Variants in SLC44A3 observed in about 807,000 individuals in gnomAD.
The protein encoded by SLC44A3 is choline transporter-like protein 3.
Under a neutral mutation model 75.4 loss-of-function variants are expected in SLC44A3, and 74 were observed. The ratio of observed to expected loss-of-function variants is 0.98; its 90% CI spans 0.81 to 1.19. The LOEUF (loss-of-function observed/expected upper bound fraction) is 1.19, where lower values mean the gene tolerates loss of function less well. Among genes scored for constraint, SLC44A3 ranks in the 50% most tolerant of loss-of-function variants. The pLI is 0.00. For synonymous variants in SLC44A3, 310 were observed against 296.9 expected (o/e 1.04, Z -0.45); for missense variants, 700 against 778.6 (o/e 0.90, Z 1.20).
chr1:94,868,550 A>G (rs6665783), intron 12 of SLC44A3, among the ~76,000 whole-genome samples: 53,275 of 151,860 alleles, frequency 0.35, 9,493 homozygotes, highest in Admixed American at 0.46. Flanking sequence ...AATGGGGGGG[A>G]ACATATAACA....
Position 94,864,877 on chromosome 1 carries a change from T to C in SLC44A3, c.1373T>C (p.Met458Thr), listed in dbSNP as rs773137920. 3 of 1,613,938 alleles carry C rather than the reference T, an allele frequency of 1.9e-6. No homozygotes were observed. Among genetic ancestry groups the C allele is most frequent in the South Asian group, 1.1e-5 (1 of 91,052 alleles). Residue 458 changes from methionine (M) to threonine (T), a missense_variant, in exon 11 of 15, where the codon ATG (methionine) becomes ACG (threonine). By Grantham distance (81) the Met-to-Thr change is moderately conservative. Coordinates refer to ENST00000271227, the MANE Select transcript of SLC44A3 (RefSeq NM_001114106.3). ...ATTCCGAGAATCATTGTCATGTACA[T>C]GCAAAACGCACTGAAAGAACAGGTA... ...VRIPRIIVMY[M>T]QNALKEQQHG...
chr1:94,858,188 A>G (rs1666140078), intron 10 of SLC44A3, among the ~76,000 whole-genome samples: 1 of 152,200 alleles, frequency 6.6e-6, no homozygotes. Flanking sequence ...TCAGACAAAA[A>G]AATTACTGGT....
chr1:94,894,538 G>T (rs1670567142), intron 14 of SLC44A3, among the ~76,000 whole-genome samples: 1 of 152,130 alleles, frequency 6.6e-6, no homozygotes, highest in African/African-American at 2.4e-5. Flanking sequence ...TGTTCTTCAA[G>T]CTCATTAAAC....
chr1:94,864,758 T>C lies in SLC44A3; in HGVS notation c.1254T>C (p.Pro418=). 1 of 1,613,412 alleles carries C rather than the reference T, an allele frequency of 6.2e-7. No individual in the cohort carries two copies. The highest frequency in any genetic ancestry group is 8.5e-7 in the Non-Finnish European group (1 of 1,179,692). ...CTATTTCCAGAAGTAAAAATGATCC[T>C]CCTGATCATCCCATCCTTTCGTCTC... ...TCYFNRSKND[P]PDHPILSSLS... Residue 418 remains proline, a synonymous_variant, in exon 11 of 15, where the codon CCT becomes CCC. Coordinates refer to ENST00000271227, the MANE Select transcript of SLC44A3 (RefSeq NM_001114106.3).
At chr1:94,885,643 T>G (rs1296534481) in intron 12 of SLC44A3, among the ~76,000 whole-genome samples, 3 of 151,696 alleles carry the variant, frequency 2.0e-5, no homozygotes, top group Non-Finnish European at 4.4e-5. Flanking sequence ...GAGTTAGAGG[T>G]CCACTTCATG....
chr1:94,825,883 T>C (rs976489902), intron 3 of SLC44A3: 4 of 456,188 alleles, frequency 8.8e-6, no homozygotes, highest in Admixed American at 4.7e-5. Flanking sequence ...GATGCCCATG[T>C]GCTCCCATTT....
In SLC44A3 at chr1:94,894,934, G is replaced by A; in HGVS notation, c.*12G>A. On this transcript the variant is annotated 3_prime_UTR_variant, in exon 15 of 15. Transcript: ENST00000271227. ...CCATTGTGAGATAGATACCCATTTAGGTATCTGTACCTGGAAAACATTTCC... is the reference window on the plus strand; with the variant it reads ...CCATTGTGAGATAGATACCCATTTAAGTATCTGTACCTGGAAAACATTTCC... 1 of 1,590,858 alleles carries A rather than the reference G, an allele frequency of 6.3e-7. No homozygotes were observed. Among genetic ancestry groups the A allele is most frequent in the Non-Finnish European group, 8.6e-7 (1 of 1,163,468 alleles).
intron 5 of SLC44A3, among the ~76,000 whole-genome samples, chr1:94,834,966 G>T (rs1319490720): frequency 1.3e-5 from 2 of 152,204 alleles, no homozygotes; most frequent in African/African-American, 2.4e-5. Flanking sequence ...CACCAGTGTT[G>T]TCATGTTCCT....
chr1:94,877,187 C>T (rs1174769877), intron 12 of SLC44A3, among the ~76,000 whole-genome samples: 1 of 135,000 alleles, frequency 7.4e-6, no homozygotes, highest in African/African-American at 2.5e-5. Flanking sequence ...ACCTTTGTTT[C>T]CTCTTCCCCC....
intron 6 of SLC44A3, chr1:94,838,780 C>G (rs1663162255): frequency 6.6e-6 from 1 of 152,202 alleles, no homozygotes; most frequent in Admixed American, 6.5e-5. Context: ...CTCCCAAATA[C>G]TGGCTTGGTT....
chr1:94,876,678 C>G (rs185533598), intron 12 of SLC44A3, among the ~76,000 whole-genome samples: 12 of 152,342 alleles, frequency 7.9e-5, no homozygotes, highest in African/African-American at 2.4e-4. Flanking sequence ...CAGGCCACCA[C>G]CACCTGAGTC....
At chr1:94,877,763 A>G (rs146505749) in intron 12 of SLC44A3, among the ~76,000 whole-genome samples, 2 of 152,304 alleles carry the variant, frequency 1.3e-5, no homozygotes, top group South Asian at 2.1e-4. Context: ...CCTGCCTTCT[A>G]CAGAATGCCT....
intron 10 of SLC44A3, 106 bp from the exon 11 acceptor site, chr1:94,864,637 T>C: frequency 2.5e-6 from 3 of 1,191,052 alleles, no homozygotes; most frequent in Non-Finnish European, 3.5e-6. Context: ...ATGCTTATTA[T>C]GTCACAACTT....
intron 11 of SLC44A3, 32 bp from the exon 12 acceptor site, chr1:94,867,299 G>T: frequency 1.3e-6 from 2 of 1,507,606 alleles, no homozygotes; most frequent in Non-Finnish European, 1.8e-6. Flanking sequence ...TGTTGTTTTT[G>T]ACTCTGTTCC....
intron 9 of SLC44A3, among the ~76,000 whole-genome samples, chr1:94,853,477 G>C (rs1035356657): frequency 6.6e-6 from 1 of 152,216 alleles, no homozygotes; most frequent in African/African-American, 2.4e-5. Context: ...TGATTCAATA[G>C]AGAGAAAGAT....
At chr1:94,867,307 T>A in intron 11 of SLC44A3, 24 bp from the exon 12 acceptor site, 1 of 1,531,706 alleles carries the variant, frequency 6.5e-7, no homozygotes, top group Non-Finnish European at 8.8e-7. Context: ...TTGACTCTGT[T>A]CCTTTGTTCT....
At chr1:94,863,062 A>G (rs1180105843) in intron 10 of SLC44A3, among the ~76,000 whole-genome samples, 1 of 152,042 alleles carries the variant, frequency 6.6e-6, no homozygotes, top group Non-Finnish European at 1.5e-5. Context: ...ACACCACTTC[A>G]TTAGCCTTTT....
At chr1:94,824,356 C>A in intron 2 of SLC44A3, 137 bp from the exon 3 acceptor site, 1 of 982,214 alleles carries the variant, frequency 1.0e-6, no homozygotes, top group Non-Finnish European at 1.4e-6. Context: ...GACACTGTTA[C>A]TGACGGAGCA....
At position 94,828,511 on chromosome 1, in the gene SLC44A3, A is replaced by G. The variant is rs750125599; in HGVS notation, c.434A>G (p.Tyr145Cys). Residue 145 changes from tyrosine (Y) to cysteine (C), a missense_variant, in exon 5 of 15, where the codon TAT (tyrosine) becomes TGT (cysteine). Coordinates refer to ENST00000271227, the MANE Select transcript of SLC44A3 (RefSeq NM_001114106.3). ...ANTSGSFLCVYSLNSFNYTHS... is the reference protein window; with the variant it reads ...ANTSGSFLCVCSLNSFNYTHS... The stretch of plus-strand genomic sequence containing the variant: ...CTTCCAGGGTCCTTCCTGTGTGTTT[A>G]TAGTTTGAATTCCTTCAACTATACC... 42 of 1,613,652 alleles carry G rather than the reference A, an allele frequency of 2.6e-5. No individual in the cohort carries two copies. The highest frequency in any genetic ancestry group is 3.4e-5 in the Non-Finnish European group (40 of 1,179,828).
Sources: gnomAD v4.1 joint callset for allele counts (sites outside exome capture counted in the v4.1 genomes callset) on GRCh38, gnomAD v4.1.1 for gene constraint, MANE v1.5 for transcripts, NCBI Gene and HGNC (gene_info 2026-07-23, HGNC 2026-07-21) for gene names.